Variants in CCSER1 observed in about 807,000 individuals in gnomAD.
CCSER1 encodes coiled-coil serine rich protein 1, also known as serine-rich coiled-coil domain-containing protein 1.
Under a neutral mutation model 82.0 loss-of-function variants are expected in CCSER1, and 41 were observed. The ratio of observed to expected loss-of-function variants is 0.50; its 90% confidence interval spans 0.39 to 0.65. The LOEUF (loss-of-function observed/expected upper bound fraction) is 0.65, where lower values mean the gene tolerates loss of function less well. Ranked by LOEUF, CCSER1 falls within the 30% of genes least tolerant of loss-of-function variation. The pLI is 0.00. For missense variants in CCSER1, 1,119 were observed against 1,064.2 expected (o/e 1.05, Z -0.72); for synonymous variants, 414 against 383.9 (o/e 1.08, Z -0.92).
chr4:91,166,473 G>A (rs939835307), intron 10 of CCSER1, among the ~76,000 whole-genome samples: 8 of 152,134 alleles, frequency 5.3e-5, no homozygotes, highest in African/African-American at 1.9e-4. Flanking sequence ...CTAATTACCT[G>A]TCAATGGGCC....
intron 10 of CCSER1, among the ~76,000 whole-genome samples, chr4:91,416,355 T>G (rs1005670035): frequency 6.6e-6 from 1 of 151,888 alleles, no homozygotes; most frequent in Non-Finnish European, 1.5e-5. Context: ...AAAAAAACTA[T>G]TTTAAAAATC....
At chr4:90,258,644 T>A (rs1327701577) in intron 1 of CCSER1, among the ~76,000 whole-genome samples, 1 of 151,220 alleles carries the variant, frequency 6.6e-6, no homozygotes, top group Non-Finnish European at 1.5e-5. Flanking sequence ...ACAGTCATAA[T>A]GATTTGATTT....
intron 7 of CCSER1, among the ~76,000 whole-genome samples, chr4:90,806,882 C>G (rs1325884538): frequency 6.8e-6 from 1 of 146,208 alleles, no homozygotes; most frequent in Non-Finnish European, 1.5e-5. Flanking sequence ...TTTTTTTCTT[C>G]ACATTTCCTT....
intron 3 of CCSER1, among the ~76,000 whole-genome samples, chr4:90,360,531 A>T (rs953215128): frequency 1.5e-5 from 2 of 136,164 alleles, no homozygotes; most frequent in African/African-American, 5.6e-5. Context: ...AGCCGAGATC[A>T]CGCCACTGCA....
At chr4:90,967,307 G>C (rs1371238864) in intron 9 of CCSER1, among the ~76,000 whole-genome samples, 2 of 151,838 alleles carry the variant, frequency 1.3e-5, no homozygotes, top group Admixed American at 6.6e-5. Context: ...AAATTAGCTG[G>C]GCGTGGTGGA....
At chr4:90,184,438 T>G (rs796609862) in intron 1 of CCSER1, among the ~76,000 whole-genome samples, 2 of 152,196 alleles carry the variant, frequency 1.3e-5, no homozygotes, top group African/African-American at 4.8e-5. Flanking sequence ...GAGTTGTACC[T>G]AGGTGTCCAT....
intron 1 of CCSER1, among the ~76,000 whole-genome samples, chr4:90,160,594 A>G (rs1729255791): frequency 6.6e-6 from 1 of 152,198 alleles, no homozygotes; most frequent in African/African-American, 2.4e-5. Context: ...CTAGTTTTTA[A>G]TCAAATGGCA....
At chr4:91,437,021 C>T (rs1208700919) in intron 10 of CCSER1, among the ~76,000 whole-genome samples, 2 of 152,130 alleles carry the variant, frequency 1.3e-5, no homozygotes, top group Non-Finnish European at 2.9e-5. Context: ...ATCATATTTG[C>T]CTGCTAAGTC....
At chr4:90,707,131 A>T (rs1364743265) in intron 6 of CCSER1, among the ~76,000 whole-genome samples, 1 of 152,130 alleles carries the variant, frequency 6.6e-6, no homozygotes, top group African/African-American at 2.4e-5. Flanking sequence ...CTATTCTTTG[A>T]AGATTATAGT....
chr4:90,526,886 C>T (rs1346565284), intron 5 of CCSER1, among the ~76,000 whole-genome samples: 2 of 152,140 alleles, frequency 1.3e-5, no homozygotes, highest in East Asian at 1.9e-4. Flanking sequence ...GGTATATACC[C>T]AGTAATGGGA....
chr4:90,207,075 T>C (rs1738999919), intron 1 of CCSER1, among the ~76,000 whole-genome samples: 1 of 152,132 alleles, frequency 6.6e-6, no homozygotes, highest in African/African-American at 2.4e-5. Context: ...GAGCCTGTTG[T>C]GTGTCTTTGC....
intron 9 of CCSER1, among the ~76,000 whole-genome samples, chr4:91,023,461 A>G (rs754442398): frequency 1.7e-4 from 26 of 152,212 alleles, no homozygotes; most frequent in Non-Finnish European, 3.5e-4. Context: ...AAACAGAGAT[A>G]TAGATCAATG....
Position 91,600,244 on chromosome 4 carries a change from T to C in CCSER1, c.*1187T>C, listed in dbSNP as rs1420943293. On this transcript the variant is annotated 3_prime_UTR_variant, in exon 11 of 11. Transcript: ENST00000509176. ...TATGTTATAATATGTTATATACTTA[T>C]GTGCACTTTAGATCAATATATGAAT... 6.6e-6 allele frequency: 1 copy of C among 152,210 alleles called. No individual in the cohort carries two copies. The highest frequency in any genetic ancestry group is 2.4e-5 in the African/African-American group (1 of 41,468). 9.4% of individuals were successfully genotyped at this position (152,210 alleles called of 1,614,324 possible).
At chr4:90,861,517 G>A (rs1450566170) in intron 8 of CCSER1, among the ~76,000 whole-genome samples, 1 of 151,764 alleles carries the variant, frequency 6.6e-6, no homozygotes, top group Non-Finnish European at 1.5e-5. Flanking sequence ...AGAAGCTTTG[G>A]AGTTGGCATA....
At chr4:90,524,678 A>T (rs919179053) in intron 5 of CCSER1, among the ~76,000 whole-genome samples, 1 of 152,154 alleles carries the variant, frequency 6.6e-6, no homozygotes, top group Non-Finnish European at 1.5e-5. Flanking sequence ...CATGTTGGCC[A>T]GGATGGTCTC....
chr4:91,240,000 A>AT lies in CCSER1; in HGVS notation c.2217+154011dup, dbSNP rs1184859567. Among the ~76,000 whole-genome samples, 2 of 38,996 alleles carry AT rather than the reference A, an allele frequency of 5.1e-5. 1 individual carries two copies. The highest frequency in any genetic ancestry group is 8.9e-5 in the Non-Finnish European group (2 of 22,418). The allele number at this position is 38,996 out of a possible 152,430, so 25.6% of individuals were successfully genotyped here. On this transcript the variant is annotated intron_variant, in intron 10 of 10. Transcript: ENST00000509176. ...CTTAGAGAATACTTGGCAGGTACTCATTTTTGTCTCTCTTGGCTAATGGTT... is the reference window on the plus strand; with the variant it reads ...CTTAGAGAATACTTGGCAGGTACTCATTTTTTGTCTCTCTTGGCTAATGGTT...
At chr4:91,474,072 A>T (rs1056833472) in intron 10 of CCSER1, among the ~76,000 whole-genome samples, 1 of 152,048 alleles carries the variant, frequency 6.6e-6, no homozygotes, top group Non-Finnish European at 1.5e-5. Context: ...CAAATGCTCT[A>T]TTGCTGTATT....
chr4:90,151,346 T>G (rs939287569), intron 1 of CCSER1, among the ~76,000 whole-genome samples: 6 of 151,902 alleles, frequency 3.9e-5, no homozygotes, highest in African/African-American at 1.2e-4. Flanking sequence ...TATGTATCAA[T>G]TTTAATTTAG....
At chr4:90,469,670 A>G (rs1764106443) in intron 5 of CCSER1, among the ~76,000 whole-genome samples, 1 of 152,064 alleles carries the variant, frequency 6.6e-6, no homozygotes. Flanking sequence ...ATAAAGTTCT[A>G]GTTATGTTGA....
Sources: gnomAD v4.1 joint callset for allele counts (sites outside exome capture counted in the v4.1 genomes callset) on GRCh38, gnomAD v4.1.1 for gene constraint, MANE v1.5 for transcripts, NCBI Gene and HGNC (gene_info 2026-07-23, HGNC 2026-07-21) for gene names.